The following TXNDC8 variants were observed in gnomAD, a reference collection of about 807,000 sequenced individuals.
The protein encoded by TXNDC8 is thioredoxin domain-containing protein 8.
Under a neutral mutation model 12.9 loss-of-function variants are expected in TXNDC8, and 15 were observed. That is an observed-to-expected ratio of 1.16 (90% CI 0.78 to 1.79). The LOEUF (loss-of-function observed/expected upper bound fraction) is 1.79. Among genes scored for constraint, TXNDC8 ranks in the 40% most tolerant of loss-of-function variants. TXNDC8 has a pLI of 0.00. For missense variants in TXNDC8, 128 were observed against 113.2 expected (o/e 1.13, Z -0.59); for synonymous variants, 40 against 35.4 (o/e 1.13, Z -0.46).
chr9:110,326,444 G>A (rs777561063), intron 2 of TXNDC8, among the ~76,000 whole-genome samples: 12 of 152,116 alleles, frequency 7.9e-5, no homozygotes, highest in Admixed American at 6.6e-5. Flanking sequence ...GAAAATGATC[G>A]TTACAGCGTT....
chr9:110,311,670 G>A (rs1838684512), intron 3 of TXNDC8, among the ~76,000 whole-genome samples: 1 of 97,788 alleles, frequency 1.0e-5, no homozygotes, highest in Non-Finnish European at 2.0e-5. Flanking sequence ...TAGTAATATA[G>A]TATATCCTTA....
rs1384965031 is a variant in TXNDC8, at chr9:110,303,478, G to A, written c.*204C>T. Reference sequence around the variant, plus strand: ...TGAAAGCACAAACACATTTGCTCTTGCCTTTTCAAATGTCACAAGTGTATT... The same window carrying A: ...TGAAAGCACAAACACATTTGCTCTTACCTTTTCAAATGTCACAAGTGTATT... On this transcript the variant is annotated 3_prime_UTR_variant, in exon 5 of 5. Transcript: ENST00000423740. 3 of 1,508,960 alleles carry A rather than the reference G, an allele frequency of 2.0e-6. No individual in the cohort carries two copies. The African/African-American group carries it at 4.1e-5, about 21-fold the overall frequency. 93.5% of individuals were successfully genotyped at this position (1,508,960 alleles called of 1,614,324 possible). A position where few individuals can be genotyped will look rare whatever the true frequency, so the allele number is the denominator to read the frequency against.
chr9:110,314,438 C>CT (rs568341622), intron 3 of TXNDC8, among the ~76,000 whole-genome samples: 20,104 of 124,620 alleles, frequency 0.16, 1,612 homozygotes, highest in South Asian at 0.29. Context: ...TTTCTTTTTT[C>CT]TTTTTTTTTT....
At chr9:110,322,720 G>T in intron 3 of TXNDC8, 1 of 985,482 alleles carries the variant, frequency 1.0e-6, no homozygotes, top group Non-Finnish European at 1.2e-6. Flanking sequence ...TACTGAACTG[G>T]AGAGAAACTT....
At chr9:110,336,067 G>T (rs1034162498) in intron 1 of TXNDC8, among the ~76,000 whole-genome samples, 1 of 152,126 alleles carries the variant, frequency 6.6e-6, no homozygotes, top group Non-Finnish European at 1.5e-5. Flanking sequence ...CCCTGCACAC[G>T]CTGTCTTGCC....
chr9:110,304,603 T>G (rs1006356260), intron 3 of TXNDC8, 71 bp from the exon 5 acceptor site: 17 of 1,412,792 alleles, frequency 1.2e-5, no homozygotes, highest in Non-Finnish European at 1.6e-5. Flanking sequence ...CTATAACTGG[T>G]TCTTTTGGCC....
intron 2 of TXNDC8, among the ~76,000 whole-genome samples, chr9:110,326,940 G>GCACACACA (rs377527245): frequency 0.3 from 42,490 of 142,786 alleles, 6,677 homozygotes; most frequent in Non-Finnish European, 0.34. Context: ...TGCTACTCAT[G>GCACACACA]CACACACACA....
At chr9:110,302,753 A>G (rs1838293711), downstream of TXNDC8, among the ~76,000 whole-genome samples, 2 of 152,052 alleles carry the variant, frequency 1.3e-5, no homozygotes. Context: ...GAGAGAGAGA[A>G]AAATGACACA....
chr9:110,302,231 G>A (rs900020807), downstream of TXNDC8, among the ~76,000 whole-genome samples: 3 of 151,844 alleles, frequency 2.0e-5, no homozygotes, highest in Non-Finnish European at 4.4e-5. Flanking sequence ...AAACTCCTGG[G>A]CTCAAGTGAT....
At chr9:110,335,189 G>T (rs1417719445) in intron 1 of TXNDC8, among the ~76,000 whole-genome samples, 3 of 152,152 alleles carry the variant, frequency 2.0e-5, no homozygotes, top group African/African-American at 7.2e-5. Context: ...TGCTCATAGT[G>T]TACTCATAGA....
intron 2 of TXNDC8, among the ~76,000 whole-genome samples, chr9:110,327,646 A>G (rs1269401289): frequency 6.6e-6 from 1 of 152,214 alleles, no homozygotes; most frequent in East Asian, 1.9e-4. Context: ...ATTCTATAAT[A>G]TGAATGCACC....
At chr9:110,301,518 C>T (rs191837040), downstream of TXNDC8, among the ~76,000 whole-genome samples, 93 of 152,076 alleles carry the variant, frequency 6.1e-4, no homozygotes, top group Non-Finnish European at 9.0e-4. Context: ...CCCACCATCT[C>T]CACCCCCACC....
At chr9:110,329,204 A>G in intron 2 of TXNDC8, 28 bp downstream of exon 3, 1 of 1,575,216 alleles carries the variant, frequency 6.3e-7, no homozygotes, top group Non-Finnish European at 8.7e-7. Context: ...GATTTTGAGT[A>G]TGTGCACAGA....
chr9:110,326,684 G>A (rs1839331039), intron 2 of TXNDC8, among the ~76,000 whole-genome samples: 1 of 152,176 alleles, frequency 6.6e-6, no homozygotes, highest in South Asian at 2.1e-4. Context: ...AGCATTTTAA[G>A]TAAGGCTTAT....
intron 3 of TXNDC8, among the ~76,000 whole-genome samples, chr9:110,305,697 TTATA>T (rs1838431651): frequency 7.9e-6 from 1 of 126,672 alleles, no homozygotes; most frequent in Non-Finnish European, 1.7e-5. Flanking sequence ...TTTCTCCTCT[TTATA>T]TCTTTCCTTC....
intron 3 of TXNDC8, chr9:110,322,537 C>A: frequency 1.0e-6 from 1 of 985,380 alleles, no homozygotes; most frequent in Non-Finnish European, 1.2e-6. Flanking sequence ...GAATTGAGAC[C>A]AAGCAGGGCC....
At position 110,304,473 on chromosome 9, in the gene TXNDC8, G is replaced by A. The variant is rs1200285799; in HGVS notation, c.255C>T (p.Ser85=). The A allele has an allele frequency of 2.5e-6, 4 of 1,609,144 alleles. No individual in the cohort carries two copies. Among genetic ancestry groups the A allele is most frequent in the East Asian group, 2.2e-5 (1 of 44,750 alleles). Residue 85 remains serine (S), a synonymous_variant, in exon 4 of 5, where the codon AGC becomes AGT. Coordinates refer to ENST00000423740, the MANE Select transcript of TXNDC8 (RefSeq NM_001286946.2). ...TTGATCCCATTTCACTTACCAGGTT[G>A]CTCATGAATCCACTTCTATAACAGC...
intron 2 of TXNDC8, among the ~76,000 whole-genome samples, chr9:110,327,341 A>G (rs10816973): frequency 0.45 from 57,417 of 127,046 alleles, 12,492 homozygotes; most frequent in African/African-American, 0.64. Context: ...TTTTTTTTTG[A>G]GATGGAATTT....
At chr9:110,303,883 T>C (rs1197196574) in intron 4 of TXNDC8, among the ~76,000 whole-genome samples, 4 of 152,188 alleles carry the variant, frequency 2.6e-5, no homozygotes, top group African/African-American at 4.8e-5. Context: ...ACTCCATCAT[T>C]GGAACTTCTC....
Sources: gnomAD v4.1 joint callset for allele counts (sites outside exome capture counted in the v4.1 genomes callset) on GRCh38, gnomAD v4.1.1 for gene constraint, MANE v1.5 for transcripts, NCBI Gene and HGNC (gene_info 2026-07-23, HGNC 2026-07-21) for gene names.